The following BANP variants were observed in gnomAD, a reference collection of about 807,000 sequenced individuals.
BANP encodes the protein protein BANP.
BANP carries 11 observed loss-of-function variants against 68.1 expected under a neutral mutation model. That is an observed-to-expected ratio of 0.16 (90% confidence interval 0.10 to 0.27). The LOEUF (loss-of-function observed/expected upper bound fraction) is 0.27. Ranked by LOEUF, BANP falls within the 10% of genes least tolerant of loss-of-function variation. The pLI is 1.00. For synonymous variants in BANP, 329 were observed against 303.2 expected (o/e 1.09, Z -0.88); for missense variants, 504 against 722.7 (o/e 0.70, Z 3.47).
intron 11 of BANP, among the ~76,000 whole-genome samples, chr16:88,059,041 C>T (rs1253361574): frequency 6.6e-6 from 1 of 151,494 alleles, no homozygotes; most frequent in Non-Finnish European, 1.5e-5. Flanking sequence ...TGGTCGGAAC[C>T]CCTGTACCAC....
At chr16:87,985,803 A>G (rs1005882020) in intron 4 of BANP, among the ~76,000 whole-genome samples, 77 of 152,326 alleles carry the variant, frequency 5.1e-4, no homozygotes, top group African/African-American at 1.8e-3. Context: ...GTGATAGAAT[A>G]TTACAGAATG....
chr16:88,042,360 A>G (rs1256917924), intron 11 of BANP, among the ~76,000 whole-genome samples: 2 of 152,184 alleles, frequency 1.3e-5, no homozygotes, highest in African/African-American at 4.8e-5. Context: ...CTCCTCCCCG[A>G]GCTGTGCCCT....
rs1481871024 is a variant in BANP, at chr16:88,033,179, C to T, written c.1134C>T (p.His378=). Reference sequence around the variant, plus strand: ...CACAGCCGCAGCCGCAGGCCCTGCACTACGCGCTGGCCAACGCACAGCAGG... The same window carrying T: ...CACAGCCGCAGCCGCAGGCCCTGCATTACGCGCTGGCCAACGCACAGCAGG... ...PQPQPQPQAL[H]YALANAQQVQ... Residue 378 remains histidine, a synonymous_variant, in exon 9 of 14, where the codon CAC becomes CAT. Transcript: ENST00000682872. 3.7e-6 allele frequency: 6 copies of T among 1,611,940 alleles called. No homozygotes were observed. The highest frequency in any genetic ancestry group is 3.4e-6 in the Non-Finnish European group (4 of 1,178,382).
At chr16:88,069,845 A>G (rs1056730242) in intron 12 of BANP, among the ~76,000 whole-genome samples, 12 of 149,354 alleles carry the variant, frequency 8.0e-5, no homozygotes, top group African/African-American at 2.9e-4. Context: ...TTATACGTGC[A>G]TTTTTTTTTT....
intron 1 of BANP, among the ~76,000 whole-genome samples, chr16:87,955,671 C>G (rs1353513535): frequency 6.6e-6 from 1 of 151,998 alleles, no homozygotes; most frequent in Non-Finnish European, 1.5e-5. Flanking sequence ...AGTATCTCCC[C>G]CAAGATACAC....
intron 4 of BANP, among the ~76,000 whole-genome samples, chr16:87,994,774 A>G (rs2066748365): frequency 6.6e-6 from 1 of 152,176 alleles, no homozygotes; most frequent in Admixed American, 6.5e-5. Context: ...GTGTATAAAA[A>G]TAAAATAAAA....
chr16:87,956,413 T>C (rs1230508109), intron 1 of BANP, among the ~76,000 whole-genome samples: 2 of 152,198 alleles, frequency 1.3e-5, no homozygotes, highest in Non-Finnish European at 2.9e-5. Flanking sequence ...GGTGAAAGCA[T>C]GACATCATCT....
In BANP at chr16:87,977,460, C is replaced by G. The variant is rs549291816; in HGVS notation, c.70+2275C>G. Among the ~76,000 whole-genome samples, 116 of 152,192 alleles carry G rather than the reference C, an allele frequency of 7.6e-4. 1 individual carries two copies. Among genetic ancestry groups the G allele is most frequent in the African/African-American group, 2.7e-3 (114 of 41,552 alleles). On this transcript the variant is annotated intron_variant, in intron 2 of 13. Coordinates refer to ENST00000682872, the MANE Select transcript of BANP (RefSeq NM_001386991.1). ...CCTACTGTGCACAGAGCTCCGAGGC[C>G]TGCCCCAGTACAAAGCCTGCAGTCT...
intron 1 of BANP, among the ~76,000 whole-genome samples, chr16:87,968,091 T>C (rs74251071): frequency 2.7e-5 from 4 of 147,978 alleles, no homozygotes; most frequent in Non-Finnish European, 4.5e-5. Flanking sequence ...TTTTTTTTTT[T>C]AAAGGTTCTG....
At chr16:87,979,695 T>G (rs1409315499) in intron 2 of BANP, among the ~76,000 whole-genome samples, 1 of 152,210 alleles carries the variant, frequency 6.6e-6, no homozygotes, top group Non-Finnish European at 1.5e-5. Flanking sequence ...AGCATTCAGA[T>G]TTCTGATTTT....
intron 6 of BANP, among the ~76,000 whole-genome samples, chr16:88,015,514 C>A (rs971735973): frequency 2.6e-5 from 4 of 152,252 alleles, no homozygotes; most frequent in Non-Finnish European, 4.4e-5. Flanking sequence ...GAGCACGTGG[C>A]CCCTCCTGGC....
chr16:88,029,166 G>T (rs1490428772), intron 8 of BANP, among the ~76,000 whole-genome samples: 3 of 151,816 alleles, frequency 2.0e-5, no homozygotes, highest in Non-Finnish European at 4.4e-5. Flanking sequence ...AATTAGCCAG[G>T]TGTGGTGGCG....
At chr16:88,058,207 T>G (rs1205388867) in intron 11 of BANP, among the ~76,000 whole-genome samples, 1 of 152,152 alleles carries the variant, frequency 6.6e-6, no homozygotes, top group Admixed American at 6.5e-5. Flanking sequence ...AAAGAGAAGC[T>G]TTTGTTTTTT....
upstream of BANP, among the ~76,000 whole-genome samples, chr16:87,951,237 G>A (rs924477974): frequency 6.6e-6 from 1 of 152,202 alleles, no homozygotes; most frequent in Non-Finnish European, 1.5e-5. Flanking sequence ...AAAAACGGGG[G>A]GAAAAAAGCC....
At chr16:88,065,849 C>T (rs982527811) in intron 12 of BANP, among the ~76,000 whole-genome samples, 1 of 152,132 alleles carries the variant, frequency 6.6e-6, no homozygotes, top group African/African-American at 2.4e-5. Context: ...CCGGGAGGCC[C>T]ACAGGATCCC....
chr16:87,951,309 G>C (rs557283312), upstream of BANP: 5 of 152,100 alleles, frequency 3.3e-5, no homozygotes, highest in Middle Eastern at 3.2e-3. Flanking sequence ...GAGGCCGAGC[G>C]GGAAAAGCGC....
intron 13 of BANP, among the ~76,000 whole-genome samples, chr16:88,076,224 G>A (rs558580123): frequency 6.6e-6 from 1 of 152,336 alleles, no homozygotes; most frequent in East Asian, 1.9e-4. Flanking sequence ...AAGCTTCAGG[G>A]AAATATCTTC....
chr16:87,986,727 A>G (rs4843768), intron 4 of BANP, among the ~76,000 whole-genome samples: 101,701 of 151,968 alleles, frequency 0.67, 34,908 homozygotes, highest in African/African-American at 0.8. Context: ...GCTGGGGGCA[A>G]ATGATATCAT....
chr16:87,976,353 A>G (rs1188532844), intron 2 of BANP, among the ~76,000 whole-genome samples: 1 of 152,178 alleles, frequency 6.6e-6, no homozygotes, highest in South Asian at 2.1e-4. Flanking sequence ...GCACATGTCT[A>G]CTTTGAAATC....
Sources: gnomAD v4.1 joint callset for allele counts (sites outside exome capture counted in the v4.1 genomes callset) on GRCh38, gnomAD v4.1.1 for gene constraint, MANE v1.5 for transcripts, NCBI Gene and HGNC (gene_info 2026-07-23, HGNC 2026-07-21) for gene names.